The following FBLIM1 variants were observed in gnomAD, a reference collection of about 807,000 sequenced individuals.
The protein encoded by FBLIM1 is filamin-binding LIM protein 1.
Under a neutral mutation model 37.4 loss-of-function variants are expected in FBLIM1, and 29 were observed. The observed-to-expected ratio is 0.77, with a 90% confidence interval of 0.58 to 1.06. The LOEUF (loss-of-function observed/expected upper bound fraction) is 1.06, where lower values mean the gene tolerates loss of function less well. FBLIM1 is among the 50% of genes least tolerant of loss of function. The pLI is 0.00. For synonymous variants in FBLIM1, 193 were observed against 199.0 expected (o/e 0.97, Z 0.25); for missense variants, 449 against 505.6 (o/e 0.89, Z 1.07).
chr1:15,764,776 G>T, intron 2 of FBLIM1, 91 bp downstream of exon 2: 2 of 709,860 alleles, frequency 2.8e-6, no homozygotes, highest in Non-Finnish European at 4.6e-6. Flanking sequence ...CAAGTTCCCT[G>T]GTGGGTCCTG....
chr1:15,784,569 G>T lies in FBLIM1; in HGVS notation c.1030G>T (p.Val344Phe). The T allele has an allele frequency of 6.2e-7, 1 of 1,613,976 alleles. No individual in the cohort carries two copies. The highest frequency in any genetic ancestry group is 8.5e-7 in the Non-Finnish European group (1 of 1,179,884). The change falls in exon 9 of 9, where the codon GTC (valine) becomes TTC (phenylalanine). Residue 344 changes from valine to phenylalanine, a missense_variant. Physicochemically the swap from Val to Phe is conservative, Grantham distance 50. Coordinates refer to ENST00000375766, the MANE Select transcript of FBLIM1 (RefSeq NM_017556.4). Reference protein sequence around the residue: ...RCEDCRILLSVEPTDQGCYPL... With the variant: ...RCEDCRILLSFEPTDQGCYPL... ...CCAGGACTGCAGGATCCTCCTGTCT[G>T]TCGAGCCCACGGACCAAGGCTGCTA...
At chr1:15,773,104 C>G (rs1243565800) in intron 6 of FBLIM1, among the ~76,000 whole-genome samples, 2 of 152,048 alleles carry the variant, frequency 1.3e-5, no homozygotes, top group Non-Finnish European at 2.9e-5. Context: ...CTTAAAGCAT[C>G]ATATAAAATT....
intron 8 of FBLIM1, among the ~76,000 whole-genome samples, chr1:15,778,676 C>T (rs1266712035): frequency 3.3e-5 from 5 of 151,656 alleles, no homozygotes; most frequent in Non-Finnish European, 7.4e-5. Context: ...ATTTCACTCG[C>T]GTTACCCAGG....
intron 8 of FBLIM1, among the ~76,000 whole-genome samples, chr1:15,782,940 C>T (rs1428822298): frequency 6.6e-6 from 1 of 151,750 alleles, no homozygotes; most frequent in Non-Finnish European, 1.5e-5. Context: ...GGATTACAGG[C>T]ACCCACCACC....
chr1:15,783,462 A>T (rs2069693333), intron 8 of FBLIM1, among the ~76,000 whole-genome samples: 1 of 151,892 alleles, frequency 6.6e-6, no homozygotes. Context: ...CACCTGTGAA[A>T]TGAAGGGACT....
At chr1:15,766,234 A>T (rs971624222) in intron 3 of FBLIM1, among the ~76,000 whole-genome samples, 1 of 152,132 alleles carries the variant, frequency 6.6e-6, no homozygotes, top group East Asian at 1.9e-4. Flanking sequence ...CAGCCTCCCA[A>T]GGAGCTGGGA....
intron 7 of FBLIM1, chr1:15,775,058 A>C: frequency 1.5e-6 from 1 of 667,796 alleles, no homozygotes; most frequent in South Asian, 2.2e-5. Flanking sequence ...CTCTACTAAA[A>C]ATACAAAAAA....
intron 6 of FBLIM1, among the ~76,000 whole-genome samples, chr1:15,773,702 G>C (rs1048449308): frequency 7.0e-6 from 1 of 142,952 alleles, no homozygotes; most frequent in Non-Finnish European, 1.5e-5. Flanking sequence ...AAAAAAAAAG[G>C]TAGATCTCAT....
Position 15,784,892 on chromosome 1 carries a change from A to C in FBLIM1, c.*231A>C, listed in dbSNP as rs1459139711. The C allele has an allele frequency of 2.0e-5, 8 of 404,600 alleles. No homozygotes were observed. The highest frequency in any genetic ancestry group is 3.6e-5 in the Non-Finnish European group (8 of 223,258). The allele number at this position is 404,600 out of a possible 1,614,324, so 25.1% of individuals were successfully genotyped here. A position where few individuals can be genotyped will look rare whatever the true frequency, so the allele number is the denominator to read the frequency against. ...CCTGGACCATGAGCTTCACCCCCAG[A>C]ATTCCCTGCTGACCCTGCCCCACTT... On this transcript the variant is annotated 3_prime_UTR_variant, in exon 9 of 9. Coordinates refer to ENST00000375766, the MANE Select transcript of FBLIM1 (RefSeq NM_017556.4).
chr1:15,778,499 G>A (rs1045851475), intron 8 of FBLIM1, among the ~76,000 whole-genome samples: 5 of 152,178 alleles, frequency 3.3e-5, no homozygotes, highest in Non-Finnish European at 7.3e-5. Context: ...CATGTAGGAG[G>A]CAATGCTTGA....
At chr1:15,770,190 G>T (rs1178003556) in intron 5 of FBLIM1, among the ~76,000 whole-genome samples, 1 of 151,954 alleles carries the variant, frequency 6.6e-6, no homozygotes, top group Non-Finnish European at 1.5e-5. Flanking sequence ...CAAGTGATCC[G>T]CTCACCTTGG....
intron 4 of FBLIM1, among the ~76,000 whole-genome samples, chr1:15,767,766 A>G (rs1170919523): frequency 6.6e-6 from 1 of 152,114 alleles, no homozygotes; most frequent in Admixed American, 6.5e-5. Context: ...GGGTCCCTGG[A>G]GAGGGATGCC....
Position 15,777,064 on chromosome 1 carries a change from G to A in FBLIM1, c.891-106G>A, listed in dbSNP as rs539492050. ...TCTGCAGTCCCATAGCAACGGGACT[G>A]AAATTGCTCAGGAGGTGAACACCAG... On this transcript the variant is annotated intron_variant, in intron 7 of 8. Transcript: ENST00000375766. The A allele has an allele frequency of 1.2e-4, 101 of 822,966 alleles. 1 individual carries two copies. The highest frequency in any genetic ancestry group is 1.2e-3 in the East Asian group (47 of 40,678). The allele number at this position is 822,966 out of a possible 1,614,324, so 51.0% of individuals were successfully genotyped here.
At chr1:15,767,231 A>C in intron 3 of FBLIM1, 145 bp from the exon 4 acceptor site, 1 of 627,630 alleles carries the variant, frequency 1.6e-6, no homozygotes, top group South Asian at 2.4e-5. Flanking sequence ...ACAGCAAATC[A>C]GTGGCAGAGT....
intron 1 of FBLIM1, among the ~76,000 whole-genome samples, chr1:15,759,897 T>A (rs2148439582): frequency 6.6e-6 from 1 of 152,312 alleles, no homozygotes; most frequent in East Asian, 1.9e-4. Context: ...TTTAATTCCG[T>A]ACCCAAAGGT....
At chr1:15,769,409 G>A (rs968137115) in intron 5 of FBLIM1, among the ~76,000 whole-genome samples, 1 of 151,834 alleles carries the variant, frequency 6.6e-6, no homozygotes, top group South Asian at 2.1e-4. Flanking sequence ...CCCAGGAGGC[G>A]GAGGTTGCAG....
At chr1:15,763,092 G>A (rs2068752375) in intron 1 of FBLIM1, among the ~76,000 whole-genome samples, 1 of 150,604 alleles carries the variant, frequency 6.6e-6, no homozygotes, top group African/African-American at 2.4e-5. Context: ...TTTTTAGACA[G>A]AGTTTCGCTC....
At chr1:15,773,665 G>A (rs1410411857) in intron 6 of FBLIM1, among the ~76,000 whole-genome samples, 2 of 120,368 alleles carry the variant, frequency 1.7e-5, no homozygotes, top group African/African-American at 6.3e-5. Flanking sequence ...ATTGACAAGA[G>A]CAAAACTCCG....
At chr1:15,770,300 T>C in intron 5 of FBLIM1, 109 bp from the exon 6 acceptor site, 4 of 1,174,162 alleles carry the variant, frequency 3.4e-6, no homozygotes, top group Non-Finnish European at 2.4e-6. Context: ...TTTGAGGAAT[T>C]TGCAGGGTTT....
Sources: allele counts gnomAD v4.1 joint callset (sites outside exome capture counted in the v4.1 genomes callset), GRCh38; gene constraint gnomAD v4.1.1; transcripts MANE v1.5; gene names NCBI Gene and HGNC (gene_info 2026-07-23, HGNC 2026-07-21).